The following BEND5 variants were observed in gnomAD, a reference collection of about 807,000 sequenced individuals.
BEND5 encodes BEN domain containing 5, also known as BEN domain-containing protein 5.
BEND5 carries 22 observed loss-of-function variants against 43.9 expected under a neutral mutation model. The observed-to-expected ratio is 0.50, with a 90% CI of 0.36 to 0.72. The LOEUF (loss-of-function observed/expected upper bound fraction) is 0.72, where lower values mean the gene tolerates loss of function less well. Among genes scored for constraint, BEND5 ranks in the 30% least tolerant of loss-of-function variants. The pLI is 0.00. For missense variants in BEND5, 428 were observed against 550.6 expected (o/e 0.78, Z 2.23); for synonymous variants, 228 against 225.9 (o/e 1.01, Z -0.08).
At chr1:48,733,802 G>A (rs1648557743) in intron 5 of BEND5, among the ~76,000 whole-genome samples, 1 of 152,194 alleles carries the variant, frequency 6.6e-6, no homozygotes, top group African/African-American at 2.4e-5. Flanking sequence ...ATCAGCTTGT[G>A]GGTCTCTGTG....
In BEND5 at chr1:48,742,591, G is replaced by T. The variant is rs762724446; in HGVS notation, c.894+32C>A. The T allele has an allele frequency of 3.4e-6, 5 of 1,488,224 alleles. No individual in the cohort carries two copies. The African/African-American group carries it at 7.1e-5, about 21-fold the overall frequency. The allele number at this position is 1,488,224 out of a possible 1,614,324, so 92.2% of individuals were successfully genotyped here. A position where few individuals can be genotyped will look rare whatever the true frequency, so the allele number is the denominator to read the frequency against. On this transcript the variant is annotated intron_variant, in intron 4 of 5. Transcript: ENST00000371833. ...CCTTTACTCTGACTAACAAACACTT[G>T]CAGGGAATGGATATTGAGCTTAAAA...
intron 3 of BEND5, among the ~76,000 whole-genome samples, chr1:48,744,795 C>T (rs891203829): frequency 2.6e-5 from 4 of 152,198 alleles, no homozygotes; most frequent in Non-Finnish European, 4.4e-5. Context: ...CCAGCCTCCT[C>T]TCTACCGCTA....
chr1:48,776,538 C>A (rs922897495), intron 1 of BEND5, 68 bp downstream of exon 1: 39 of 1,130,626 alleles, frequency 3.4e-5, no homozygotes, highest in Non-Finnish European at 4.3e-5. Context: ...TCCGCCCGGG[C>A]CCCCGGCCCC....
chr1:48,758,870 G>C, intron 3 of BEND5, 30 bp downstream of exon 3: 1 of 1,470,732 alleles, frequency 6.8e-7, no homozygotes. Context: ...CACCCAAGTG[G>C]AGTGGTAGGT....
At chr1:48,774,423 C>T (rs1199106032) in intron 1 of BEND5, among the ~76,000 whole-genome samples, 1 of 152,166 alleles carries the variant, frequency 6.6e-6, no homozygotes, top group Non-Finnish European at 1.5e-5. Flanking sequence ...GCAGTGGGTA[C>T]CCAGGAGATC....
intron 3 of BEND5, among the ~76,000 whole-genome samples, chr1:48,754,772 G>C (rs72681060): frequency 0.082 from 12,448 of 152,178 alleles, 705 homozygotes; most frequent in East Asian, 0.17. Flanking sequence ...TTTACAGAGA[G>C]AGATGATATC....
chr1:48,773,820 C>T (rs1366693987), intron 1 of BEND5, among the ~76,000 whole-genome samples: 1 of 152,162 alleles, frequency 6.6e-6, no homozygotes, highest in Non-Finnish European at 1.5e-5. Context: ...GAAATACTAA[C>T]CACAGCAATA....
chr1:48,756,519 T>C (rs955228530), intron 3 of BEND5, among the ~76,000 whole-genome samples: 2 of 152,080 alleles, frequency 1.3e-5, no homozygotes, highest in African/African-American at 4.8e-5. Flanking sequence ...CCAGCAAGTA[T>C]TCATGGAAGA....
At chr1:48,739,728 C>CA (rs1264850613) in intron 4 of BEND5, among the ~76,000 whole-genome samples, 1 of 152,234 alleles carries the variant, frequency 6.6e-6, no homozygotes, top group African/African-American at 2.4e-5. Context: ...CAGGAGGACA[C>CA]AGCAACTGTT....
intron 1 of BEND5, among the ~76,000 whole-genome samples, chr1:48,765,606 T>G (rs1034022677): frequency 6.6e-6 from 1 of 151,812 alleles, no homozygotes; most frequent in African/African-American, 2.4e-5. Flanking sequence ...AAACAAAAAC[T>G]CACACACAAA....
At chr1:48,739,485 A>C (rs1649575621) in intron 4 of BEND5, among the ~76,000 whole-genome samples, 1 of 152,198 alleles carries the variant, frequency 6.6e-6, no homozygotes, top group African/African-American at 2.4e-5. Flanking sequence ...TCTACACTAC[A>C]AAATTCCGGA....
chr1:48,769,420 G>A (rs982670791), intron 1 of BEND5, among the ~76,000 whole-genome samples: 6 of 151,946 alleles, frequency 3.9e-5, no homozygotes, highest in Non-Finnish European at 4.4e-5. Context: ...CAGGGCTGCT[G>A]CCAACACAAT....
chr1:48,730,698 A>T (rs1468723827), intron 5 of BEND5, among the ~76,000 whole-genome samples: 1 of 152,216 alleles, frequency 6.6e-6, no homozygotes, highest in Non-Finnish European at 1.5e-5. Flanking sequence ...GGCTTTCGTT[A>T]GACTCTAGAT....
At chr1:48,767,738 T>C (rs1339376783) in intron 1 of BEND5, among the ~76,000 whole-genome samples, 1 of 152,222 alleles carries the variant, frequency 6.6e-6, no homozygotes, top group East Asian at 1.9e-4. Context: ...TAATCAGTTT[T>C]AGTGTAAACA....
At chr1:48,754,112 T>C (rs1652156864) in intron 3 of BEND5, among the ~76,000 whole-genome samples, 1 of 152,224 alleles carries the variant, frequency 6.6e-6, no homozygotes, top group Non-Finnish European at 1.5e-5. Flanking sequence ...TGAATTATAC[T>C]GTCTAAGTGG....
At chr1:48,748,269 G>A (rs1471977960) in intron 3 of BEND5, among the ~76,000 whole-genome samples, 1 of 152,210 alleles carries the variant, frequency 6.6e-6, no homozygotes, top group Non-Finnish European at 1.5e-5. Context: ...GTCATCAGCT[G>A]CTCTCACCTG....
At chr1:48,729,059 C>T (rs1398226224) in intron 5 of BEND5, among the ~76,000 whole-genome samples, 1 of 152,220 alleles carries the variant, frequency 6.6e-6, no homozygotes, top group African/African-American at 2.4e-5. Context: ...GTGCAACTCA[C>T]TGCCCTAGAT....
Position 48,758,900 on chromosome 1 carries a change from C to G in BEND5, c.745G>C (p.Gly249Arg). The G allele has an allele frequency of 6.6e-7, 1 of 1,511,042 alleles. No individual in the cohort carries two copies. Among genetic ancestry groups the G allele is most frequent in the East Asian group, 2.3e-5 (1 of 43,036 alleles). 93.6% of individuals were successfully genotyped at this position (1,511,042 alleles called of 1,614,324 possible). A position where few individuals can be genotyped will look rare whatever the true frequency, so the allele number is the denominator to read the frequency against. Residue 249 changes from glycine (G) to arginine (R), a missense_variant and splice_region_variant, in exon 3 of 6, where the codon GGT (glycine) becomes CGT (arginine). Physicochemically the swap from Gly to Arg is moderately radical, Grantham distance 125. Coordinates refer to ENST00000371833, the MANE Select transcript of BEND5 (RefSeq NM_024603.4). ...GTAGGTGACCTGCTGGGGCACTCAC[C>G]GCTGCCAAGCCGCAGGAGCAGCACG... ...QDVLLLRLGS[G>R]PAIDLEKVKS...
chr1:48,729,674 C>T (rs576166908), intron 5 of BEND5, among the ~76,000 whole-genome samples: 157 of 152,182 alleles, frequency 1.0e-3, no homozygotes, highest in Non-Finnish European at 1.7e-3. Flanking sequence ...TGAGCCCTTC[C>T]CTGGGCACAG....
Sources: allele counts gnomAD v4.1 joint callset (sites outside exome capture counted in the v4.1 genomes callset), GRCh38; gene constraint gnomAD v4.1.1; transcripts MANE v1.5; gene names NCBI Gene and HGNC (gene_info 2026-07-23, HGNC 2026-07-21).